Variants in PPP6R2 observed in about 807,000 individuals in gnomAD.
PPP6R2 encodes the protein serine/threonine-protein phosphatase 6 regulatory subunit 2.
In PPP6R2, 62 loss-of-function variants were observed where a neutral mutation model predicts 100.2. That is an observed-to-expected ratio of 0.62 (90% CI 0.50 to 0.76). The LOEUF (loss-of-function observed/expected upper bound fraction) is 0.76. Ranked by LOEUF, PPP6R2 falls within the 30% of genes least tolerant of loss-of-function variation. PPP6R2 has a pLI of 0.00. For synonymous variants in PPP6R2, 525 were observed against 514.7 expected (o/e 1.02, Z -0.27); for missense variants, 1,142 against 1,276.3 (o/e 0.89, Z 1.60).
chr22:50,414,300 G>A (rs894861743), intron 4 of PPP6R2, among the ~76,000 whole-genome samples: 4 of 139,220 alleles, frequency 2.9e-5, no homozygotes, highest in East Asian at 2.2e-4. Flanking sequence ...GTGTCCTGTC[G>A]GTGCAGAGCC....
chr22:50,441,374 C>A (rs2065577141), intron 22 of PPP6R2, among the ~76,000 whole-genome samples: 1 of 152,214 alleles, frequency 6.6e-6, no homozygotes, highest in Non-Finnish European at 1.5e-5. Flanking sequence ...TTGGAGAGAA[C>A]AGCCCAGCTC....
chr22:50,398,974 G>A (rs975770801), intron 3 of PPP6R2, among the ~76,000 whole-genome samples: 5 of 152,208 alleles, frequency 3.3e-5, no homozygotes, highest in East Asian at 3.9e-4. Flanking sequence ...GGGGCCGGGC[G>A]TGGTGGCTCA....
rs769001357 is a variant in PPP6R2, at chr22:50,357,438, T to A, written c.-148+13888T>A. 2.8e-4 allele frequency among the ~76,000 whole-genome samples: 43 copies of A among 151,594 alleles called. 1 individual carries two copies. Among genetic ancestry groups the A allele is most frequent in the Non-Finnish European group, 2.4e-4 (16 of 67,918 alleles). On this transcript the variant is annotated intron_variant, in intron 1 of 23. Coordinates refer to ENST00000612753, the MANE Select transcript of PPP6R2 (RefSeq NM_001242898.2). ...TTCTTTCTTTTCTTTTCTTTTTCTT[T>A]TTTCTCTCTCTTTCCCTACCTCCCT...
chr22:50,434,953 C>G lies in PPP6R2; in HGVS notation c.1401-13C>G, dbSNP rs375077895. 2.5e-6 allele frequency: 4 copies of G among 1,598,270 alleles called. No individual in the cohort carries two copies. The highest frequency in any genetic ancestry group is 2.7e-5 in the African/African-American group (2 of 74,754). On this transcript the variant is annotated splice_polypyrimidine_tract_variant and intron_variant, in intron 12 of 23. Transcript: ENST00000612753. ...GGCCAGGAGGCCGCCCCGATGGTGC[C>G]TGTTGCTTTCAGGGCAGCGGGTGGC... is the stretch of plus-strand genomic sequence containing the variant.
At chr22:50,441,521 C>CG (rs1329120568) in intron 22 of PPP6R2, among the ~76,000 whole-genome samples, 1 of 152,162 alleles carries the variant, frequency 6.6e-6, no homozygotes, top group Non-Finnish European at 1.5e-5. Flanking sequence ...TCCCCTTCCA[C>CG]GGGAGGCCTA....
chr22:50,331,294 C>T, the PPP6R2 span, among the ~76,000 whole-genome samples: 5 of 151,878 alleles, frequency 3.3e-5, no homozygotes, highest in South Asian at 2.1e-4. Context: ...TGTGGACACA[C>T]GTTTCCATTT....
intron 13 of PPP6R2, 109 bp downstream of exon 13, chr22:50,435,190 C>A: frequency 1.2e-6 from 1 of 834,768 alleles, no homozygotes; most frequent in Non-Finnish European, 1.8e-6. Flanking sequence ...ACTGCACTGA[C>A]AGTGAGAGAC....
intron 2 of PPP6R2, among the ~76,000 whole-genome samples, chr22:50,381,765 G>A (rs913409521): frequency 6.6e-6 from 1 of 151,912 alleles, no homozygotes. Flanking sequence ...AAAATTAGCC[G>A]GGCACGGTGG....
chr22:50,370,125 A>G (rs567751619), intron 1 of PPP6R2, among the ~76,000 whole-genome samples: 1 of 150,334 alleles, frequency 6.7e-6, no homozygotes, highest in East Asian at 2.0e-4. Context: ...CCCATCACCT[A>G]ACTTCGACAG....
At chr22:50,413,333 A>G (rs930189065) in intron 4 of PPP6R2, among the ~76,000 whole-genome samples, 3 of 151,998 alleles carry the variant, frequency 2.0e-5, no homozygotes, top group Admixed American at 2.0e-4. Flanking sequence ...TGTTTCTATT[A>G]ATTTCTCATA....
chr22:50,436,311 C>T (rs1317220476), intron 13 of PPP6R2, 56 bp from the exon 14 acceptor site: 3 of 1,505,514 alleles, frequency 2.0e-6, no homozygotes, highest in Admixed American at 2.0e-5. Context: ...CCCCGGGTGC[C>T]CTGCACCATC....
chr22:50,365,458 C>T (rs1261717070), intron 1 of PPP6R2, among the ~76,000 whole-genome samples: 1 of 151,916 alleles, frequency 6.6e-6, no homozygotes, highest in Admixed American at 6.6e-5. Context: ...GTGGGTGGAT[C>T]ATGAGGTCAG....
chr22:50,416,360 C>T (rs2060538047), intron 6 of PPP6R2, among the ~76,000 whole-genome samples: 1 of 150,978 alleles, frequency 6.6e-6, no homozygotes, highest in Admixed American at 6.6e-5. Context: ...TGGCGTTTCG[C>T]TCTTGTTGCC....
chr22:50,351,541 G>A (rs1304929674), intron 1 of PPP6R2, among the ~76,000 whole-genome samples: 2 of 151,862 alleles, frequency 1.3e-5, no homozygotes, highest in Admixed American at 1.3e-4. Flanking sequence ...TGAAAAATCT[G>A]TTGTTTGCCA....
intron 2 of PPP6R2, among the ~76,000 whole-genome samples, chr22:50,379,913 T>C (rs1013160596): frequency 6.6e-6 from 1 of 152,168 alleles, no homozygotes; most frequent in South Asian, 2.1e-4. Context: ...TATAATAATA[T>C]CTATGGGGTA....
chr22:50,371,303 G>T (rs952514314), intron 1 of PPP6R2, among the ~76,000 whole-genome samples: 1 of 152,080 alleles, frequency 6.6e-6, no homozygotes, highest in African/African-American at 2.4e-5. Flanking sequence ...TGTGAACTGG[G>T]TGTCTGCACT....
intron 3 of PPP6R2, among the ~76,000 whole-genome samples, chr22:50,406,383 A>G (rs2147149219): frequency 6.6e-6 from 1 of 151,474 alleles, no homozygotes; most frequent in African/African-American, 2.4e-5. Flanking sequence ...GGCGAGTGTG[A>G]AGGCCTGGAG....
At chr22:50,353,563 A>G (rs2045786468) in intron 1 of PPP6R2, among the ~76,000 whole-genome samples, 1 of 152,210 alleles carries the variant, frequency 6.6e-6, no homozygotes, top group African/African-American at 2.4e-5. Flanking sequence ...GAATTACCAG[A>G]ATGCAACACA....
intron 10 of PPP6R2, among the ~76,000 whole-genome samples, chr22:50,428,301 C>A (rs1240191323): frequency 6.6e-6 from 1 of 152,128 alleles, no homozygotes; most frequent in Non-Finnish European, 1.5e-5. Flanking sequence ...TTATTCAGTG[C>A]TAGTGTATGG....
Sources: gnomAD v4.1 joint callset for allele counts (sites outside exome capture counted in the v4.1 genomes callset) on GRCh38, gnomAD v4.1.1 for gene constraint, MANE v1.5 for transcripts, NCBI Gene and HGNC (gene_info 2026-07-23, HGNC 2026-07-21) for gene names.